SCRN1: variants seen among roughly 807,000 people sequenced by gnomAD.
The protein encoded by SCRN1 is secernin 1, also known as secernin-1.
SCRN1 carries 19 observed loss-of-function variants against 43.3 expected under a neutral mutation model. The ratio of observed to expected loss-of-function variants is 0.44; its 90% CI spans 0.31 to 0.64. The LOEUF (loss-of-function observed/expected upper bound fraction) is 0.64. Ranked by LOEUF, SCRN1 falls within the 30% of genes least tolerant of loss-of-function variation. SCRN1 has a pLI of 0.09. For synonymous variants in SCRN1, 183 were observed against 188.9 expected (o/e 0.97, Z 0.26); for missense variants, 447 against 524.1 (o/e 0.85, Z 1.44).
chr7:29,989,414 C>A (rs1183261579), intron 1 of SCRN1, among the ~76,000 whole-genome samples: 1 of 152,154 alleles, frequency 6.6e-6, no homozygotes, highest in African/African-American at 2.4e-5. Context: ...CCCCCGCAGT[C>A]CCCGAGCCGA....
At chr7:29,974,826 G>A (rs1788764104) in intron 1 of SCRN1, among the ~76,000 whole-genome samples, 1 of 151,770 alleles carries the variant, frequency 6.6e-6, no homozygotes, top group African/African-American at 2.4e-5. Flanking sequence ...TGGGATTACA[G>A]GCGCATACCA....
rs1250887833 is a variant in SCRN1 at position 29,953,222 on chromosome 7, ATCT to A, written c.341+1954_341+1956del. ...CACTTTGAGTTACCTCTCTCCTACT[ATCT>A]TCTTATATTATTCTTAAAATTTCCA... On this transcript the variant is annotated intron_variant, in intron 3 of 7. Coordinates refer to ENST00000242059, the MANE Select transcript of SCRN1 (RefSeq NM_014766.5). Among the ~76,000 whole-genome samples the A allele has an allele frequency of 3.9e-5, 6 of 152,268 alleles. No homozygotes were observed. The East Asian group carries it at 9.6e-4, about 24-fold the overall frequency.
At chr7:29,931,961 C>T (rs1255397864) in intron 6 of SCRN1, among the ~76,000 whole-genome samples, 1 of 152,156 alleles carries the variant, frequency 6.6e-6, no homozygotes, top group African/African-American at 2.4e-5. Flanking sequence ...ACATATACAC[C>T]TTTTATGTAC....
chr7:29,986,493 G>A lies in SCRN1; in HGVS notation c.-2+3149C>T, dbSNP rs1429077979. On this transcript the variant is annotated intron_variant, in intron 1 of 7. Coordinates refer to ENST00000242059, the MANE Select transcript of SCRN1 (RefSeq NM_014766.5). ...AATACAAACTAGCTGCATTTCAAGT[G>A]CTCAATAGCCACATGAGGCTGGTGG... Among the ~76,000 whole-genome samples, 7 of 151,956 alleles carry A rather than the reference G, an allele frequency of 4.6e-5. No homozygotes were observed. In the South Asian group the frequency reaches 1.2e-3, roughly 27 times the overall value.
At chr7:29,933,201 T>A (rs1444529658) in intron 6 of SCRN1, among the ~76,000 whole-genome samples, 1 of 152,162 alleles carries the variant, frequency 6.6e-6, no homozygotes, top group East Asian at 1.9e-4. Context: ...TATTTATTTG[T>A]GTATTTTCCT....
At chr7:29,927,068 T>C (rs1407600905) in intron 6 of SCRN1, among the ~76,000 whole-genome samples, 1 of 151,938 alleles carries the variant, frequency 6.6e-6, no homozygotes, top group African/African-American at 2.4e-5. Context: ...GGTTTGTTTT[T>C]AGTTTTTTTC....
intron 3 of SCRN1, among the ~76,000 whole-genome samples, chr7:29,946,958 A>C (rs561914006): frequency 6.6e-6 from 1 of 152,332 alleles, no homozygotes; most frequent in South Asian, 2.1e-4. Context: ...GCCAATGTTA[A>C]AGCCATTCCC....
chr7:29,972,238 G>A (rs1201437716), intron 1 of SCRN1, among the ~76,000 whole-genome samples: 1 of 152,184 alleles, frequency 6.6e-6, no homozygotes, highest in Non-Finnish European at 1.5e-5. Context: ...GGGAAAGGAT[G>A]CATTTATCTT....
At chr7:29,977,115 C>T (rs1283150977) in intron 1 of SCRN1, among the ~76,000 whole-genome samples, 1 of 152,194 alleles carries the variant, frequency 6.6e-6, no homozygotes, top group Non-Finnish European at 1.5e-5. Flanking sequence ...AAAGCCTTGA[C>T]TGCCTAAGAG....
intron 3 of SCRN1, among the ~76,000 whole-genome samples, chr7:29,948,962 T>C (rs1304657561): frequency 6.6e-6 from 1 of 152,174 alleles, no homozygotes; most frequent in African/African-American, 2.4e-5. Flanking sequence ...AAACGCTTCA[T>C]AGTTCTCATC....
At chr7:29,945,539 G>C (rs1787709642) in intron 3 of SCRN1, among the ~76,000 whole-genome samples, 3 of 152,160 alleles carry the variant, frequency 2.0e-5, no homozygotes, top group African/African-American at 7.2e-5. Flanking sequence ...TGTAAGAGTA[G>C]GTTTATGAGA....
chr7:29,938,544 C>T (rs915673558), intron 5 of SCRN1, among the ~76,000 whole-genome samples: 2 of 152,214 alleles, frequency 1.3e-5, no homozygotes, highest in Non-Finnish European at 2.9e-5. Flanking sequence ...GTGGGGTTAA[C>T]GGAATCAGGG....
chr7:29,957,474 T>C (rs1001238851), intron 2 of SCRN1, among the ~76,000 whole-genome samples: 4 of 152,226 alleles, frequency 2.6e-5, no homozygotes, highest in Non-Finnish European at 4.4e-5. Flanking sequence ...ACTACAGAAC[T>C]GATGGACTTA....
intron 2 of SCRN1, among the ~76,000 whole-genome samples, chr7:29,958,581 T>A (rs1788210251): frequency 6.6e-6 from 1 of 152,110 alleles, no homozygotes. Flanking sequence ...GTTCCCCAAG[T>A]CAAAATTCCT....
At chr7:29,930,987 C>T (rs965079766) in intron 6 of SCRN1, among the ~76,000 whole-genome samples, 3 of 152,214 alleles carry the variant, frequency 2.0e-5, no homozygotes, top group African/African-American at 7.2e-5. Context: ...GGCTGAGACA[C>T]ACAGTCCCAT....
chr7:29,921,678 A>G lies in SCRN1; in HGVS notation c.*2279T>C, dbSNP rs1011496947. ...AGAGTATTAGCCAAGACAGCTCTCA[A>G]TTAGGGTTGCCTTCTTTAAGATGCT... On this transcript the variant is annotated 3_prime_UTR_variant, in exon 8 of 8. Coordinates refer to ENST00000242059, the MANE Select transcript of SCRN1 (RefSeq NM_014766.5). 6.6e-6 allele frequency: 1 copy of G among 152,244 alleles called. No homozygotes were observed. The highest frequency in any genetic ancestry group is 2.4e-5 in the African/African-American group (1 of 41,458). 9.4% of individuals were successfully genotyped at this position (152,244 alleles called of 1,614,324 possible).
chr7:29,936,724 G>T lies in SCRN1; in HGVS notation c.740-3C>A. ...CATAGTCTGCACTGTGATGCTTTCT[G>T]CAAAAACACAAAAGACAGACAAATG... On this transcript the variant is annotated splice_region_variant and splice_polypyrimidine_tract_variant and intron_variant, in intron 5 of 7. Coordinates refer to ENST00000242059, the MANE Select transcript of SCRN1 (RefSeq NM_014766.5). The T allele has an allele frequency of 6.6e-7, 1 of 1,525,608 alleles. No homozygotes were observed. The highest frequency in any genetic ancestry group is 8.9e-7 in the Non-Finnish European group (1 of 1,121,706). 94.5% of individuals were successfully genotyped at this position (1,525,608 alleles called of 1,614,324 possible).
intron 2 of SCRN1, among the ~76,000 whole-genome samples, chr7:29,964,332 A>G (rs1341513791): frequency 6.6e-6 from 1 of 152,234 alleles, no homozygotes; most frequent in Non-Finnish European, 1.5e-5. Flanking sequence ...TTGTTCAGTG[A>G]TAAAAAGAAA....
intron 2 of SCRN1, among the ~76,000 whole-genome samples, chr7:29,958,579 A>G (rs933891786): frequency 6.6e-6 from 1 of 152,246 alleles, no homozygotes; most frequent in Non-Finnish European, 1.5e-5. Context: ...TAGTTCCCCA[A>G]GTCAAAATTC....
Sources: gnomAD v4.1 joint callset for allele counts (sites outside exome capture counted in the v4.1 genomes callset) on GRCh38, gnomAD v4.1.1 for gene constraint, MANE v1.5 for transcripts, NCBI Gene and HGNC (gene_info 2026-07-23, HGNC 2026-07-21) for gene names.